Variants in FRY observed in about 807,000 individuals in gnomAD.
FRY encodes protein furry homolog.
A neutral mutation model predicts 348.4 loss-of-function variants in FRY; 128 were observed. The ratio of observed to expected loss-of-function variants is 0.37; its 90% CI spans 0.32 to 0.43. FRY has a LOEUF of 0.43. FRY is among the 20% of genes least tolerant of loss of function. FRY has a pLI of 1.00. For synonymous variants in FRY, 1,370 were observed against 1,374.7 expected (o/e 1.00, Z 0.08); for missense variants, 2,736 against 3,695.2 (o/e 0.74, Z 6.73).
intron 28 of FRY, among the ~76,000 whole-genome samples, chr13:32,190,746 G>A (rs528058335): frequency 4.6e-5 from 7 of 152,244 alleles, no homozygotes; most frequent in East Asian, 3.9e-4. Context: ...AAAGAAGTCA[G>A]TTCTCCTCCA....
intron 4 of FRY, among the ~76,000 whole-genome samples, chr13:32,120,874 C>T (rs1878608174): frequency 1.3e-5 from 2 of 152,212 alleles, no homozygotes; most frequent in Non-Finnish European, 2.9e-5. Context: ...GTTGGCCAAG[C>T]TGGTCTTGAA....
At chr13:32,039,561 A>T (rs1251397928) in intron 1 of FRY, among the ~76,000 whole-genome samples, 2 of 152,134 alleles carry the variant, frequency 1.3e-5, no homozygotes, top group East Asian at 3.8e-4. Flanking sequence ...TAATGATCAG[A>T]TATCTCACCT....
At chr13:32,232,971 A>G (rs1231987826) in intron 41 of FRY, among the ~76,000 whole-genome samples, 2 of 152,144 alleles carry the variant, frequency 1.3e-5, no homozygotes, top group Non-Finnish European at 2.9e-5. Context: ...ATAAAATCAC[A>G]AAATCATTTG....
intron 2 of FRY, among the ~76,000 whole-genome samples, chr13:32,080,819 A>C (rs1368437899): frequency 1.3e-5 from 2 of 152,198 alleles, no homozygotes; most frequent in Admixed American, 1.3e-4. Flanking sequence ...CTGTAGCCCT[A>C]GAAAAGTGCA....
intron 39 of FRY, among the ~76,000 whole-genome samples, chr13:32,227,373 T>C (rs1885635656): frequency 6.6e-6 from 1 of 152,322 alleles, no homozygotes; most frequent in African/African-American, 2.4e-5. Flanking sequence ...ATTCCATAAA[T>C]TCCCTGAGGC....
rs1165327715 is a variant in FRY at position 32,298,006 on chromosome 13, G to A, written c.*2546G>A. The A allele has an allele frequency of 6.6e-6, 1 of 152,200 alleles. No homozygotes were observed. Among genetic ancestry groups the A allele is most frequent in the African/African-American group, 2.4e-5 (1 of 41,456 alleles). 9.4% of individuals were successfully genotyped at this position (152,200 alleles called of 1,614,324 possible). ...TAAAATTATAGTCTCCAAATATAGTGTTTTAGAAAAGGCACTGCACATTTT... is the reference window on the plus strand; with the variant it reads ...TAAAATTATAGTCTCCAAATATAGTATTTTAGAAAAGGCACTGCACATTTT... On this transcript the variant is annotated 3_prime_UTR_variant, in exon 61 of 61. Coordinates refer to ENST00000542859, the MANE Select transcript of FRY (RefSeq NM_023037.3).
intron 58 of FRY, among the ~76,000 whole-genome samples, chr13:32,288,692 A>AC (rs1889191138): frequency 6.6e-6 from 1 of 152,200 alleles, no homozygotes; most frequent in South Asian, 2.1e-4. Flanking sequence ...CCATTTGAAA[A>AC]CTGAACAGTG....
chr13:32,124,758 C>G (rs1443460929), intron 6 of FRY, 37 bp from the exon 7 acceptor site: 1 of 1,549,408 alleles, frequency 6.5e-7, no homozygotes, highest in Non-Finnish European at 8.9e-7. Flanking sequence ...TTCCGATGAC[C>G]AGGGATCCCT....
At chr13:32,053,517 T>A (rs977869111) in intron 1 of FRY, among the ~76,000 whole-genome samples, 3 of 152,244 alleles carry the variant, frequency 2.0e-5, no homozygotes, top group African/African-American at 7.2e-5. Flanking sequence ...AGACGAACTG[T>A]CTCGGTCCCA....
At chr13:32,097,362 C>CTTTTTTTT (rs34054013) in intron 2 of FRY, among the ~76,000 whole-genome samples, 2 of 126,494 alleles carry the variant, frequency 1.6e-5, no homozygotes, top group Non-Finnish European at 1.6e-5. Flanking sequence ...CCTTTTTTTC[C>CTTTTTTTT]TTTTTTTTTT....
At chr13:32,258,350 C>T (rs1234288453) in intron 51 of FRY, among the ~76,000 whole-genome samples, 1 of 152,102 alleles carries the variant, frequency 6.6e-6, no homozygotes, top group Non-Finnish European at 1.5e-5. Flanking sequence ...ACCATGGCTC[C>T]CACCTGTAAT....
chr13:32,228,335 C>T, intron 39 of FRY, 121 bp from the exon 40 acceptor site: 1 of 822,746 alleles, frequency 1.2e-6, no homozygotes. Flanking sequence ...CCGAAAGCAA[C>T]CATTTTCTCC....
intron 1 of FRY, among the ~76,000 whole-genome samples, chr13:32,069,310 G>A (rs1874470588): frequency 6.6e-6 from 1 of 152,168 alleles, no homozygotes; most frequent in Non-Finnish European, 1.5e-5. Flanking sequence ...AGAACACAGA[G>A]GGAGAGACCT....
At position 32,256,271 on chromosome 13, in the gene FRY, C is replaced by T. The variant is rs193276567; in HGVS notation, c.7416+1877C>T. ...GAAACTGGCTGGGCACAGTGGCTCACACCTGTAATCCCAGCACTCTTGGAG... is the reference window on the plus strand; with the variant it reads ...GAAACTGGCTGGGCACAGTGGCTCATACCTGTAATCCCAGCACTCTTGGAG... On this transcript the variant is annotated intron_variant, in intron 51 of 60. Coordinates refer to ENST00000542859, the MANE Select transcript of FRY (RefSeq NM_023037.3). 1.7e-4 allele frequency among the ~76,000 whole-genome samples: 26 copies of T among 152,258 alleles called. No homozygotes were observed. The East Asian group carries it at 3.1e-3, about 18-fold the overall frequency.
intron 12 of FRY, among the ~76,000 whole-genome samples, 156 bp downstream of exon 12, chr13:32,147,541 G>T (rs559437997): frequency 2.0e-5 from 3 of 152,262 alleles, no homozygotes; most frequent in East Asian, 3.9e-4. Context: ...GCTTTCCATA[G>T]TCATTGGCTC....
At chr13:32,168,659 T>G (rs1396746966) in intron 17 of FRY, among the ~76,000 whole-genome samples, 2 of 152,244 alleles carry the variant, frequency 1.3e-5, no homozygotes. Context: ...TTTAATTGTA[T>G]AAGACGTCCC....
At chr13:32,069,489 A>T (rs1165276424) in intron 1 of FRY, among the ~76,000 whole-genome samples, 9 of 152,234 alleles carry the variant, frequency 5.9e-5, no homozygotes, top group African/African-American at 2.2e-4. Flanking sequence ...AGTCTTCAAC[A>T]TAGGCAGCTG....
intron 33 of FRY, 42 bp from the exon 34 acceptor site, chr13:32,210,824 A>G (rs746593154): frequency 6.1e-5 from 95 of 1,555,854 alleles, no homozygotes; most frequent in Non-Finnish European, 8.4e-5. Context: ...CCTGTGGACT[A>G]GGCTCTGTGA....
intron 31 of FRY, among the ~76,000 whole-genome samples, chr13:32,206,885 A>G (rs1042560328): frequency 1.2e-4 from 18 of 152,236 alleles, no homozygotes; most frequent in African/African-American, 4.3e-4. Context: ...ACGGCCAGAC[A>G]AATTGTTCAG....
Sources: allele counts gnomAD v4.1 joint callset (sites outside exome capture counted in the v4.1 genomes callset), GRCh38; gene constraint gnomAD v4.1.1; transcripts MANE v1.5; gene names NCBI Gene and HGNC (gene_info 2026-07-23, HGNC 2026-07-21).